Variants in WNT5B observed in about 807,000 individuals in gnomAD.
The protein encoded by WNT5B is protein Wnt-5b.
WNT5B carries 18 observed loss-of-function variants against 36.5 expected under a neutral mutation model. The observed-to-expected ratio is 0.49, with a 90% CI of 0.34 to 0.73. The LOEUF is 0.73. Among genes scored for constraint, WNT5B ranks in the 30% least tolerant of loss-of-function variants. The probability of loss-of-function intolerance (pLI) is 0.01; values close to 1 mark genes in which losing one functional copy is unlikely to be tolerated. For synonymous variants in WNT5B, 213 were observed against 212.3 expected (o/e 1.00, Z -0.03); for missense variants, 424 against 508.4 (o/e 0.83, Z 1.60).
chr12:1,645,873 A>T lies in WNT5B; in HGVS notation c.701A>T (p.Gln234Leu). Residue 234 changes from glutamine to leucine, a missense_variant, in exon 5 of 5, where the codon CAG (glutamine) becomes CTG (leucine). Gln to Leu is a moderately radical substitution (Grantham distance 113). Coordinates refer to ENST00000397196, the MANE Select transcript of WNT5B (RefSeq NM_032642.3). ...TGCAGCCTCAAGACCTGCTGGCTGC[A>T]GCTGGCCGAGTTCCGCAAGGTCGGG... ...GSCSLKTCWL[Q>L]LAEFRKVGDR... The T allele has an allele frequency of 6.2e-7, 1 of 1,611,406 alleles. No individual in the cohort carries two copies. Among genetic ancestry groups the T allele is most frequent in the Non-Finnish European group, 8.5e-7 (1 of 1,179,414 alleles).
rs1184907986 is a variant in WNT5B, at chr12:1,623,193, T to TTTTTTG, written c.-58+6055_-58+6056insGTTTTT. Among the ~76,000 whole-genome samples, 80 of 109,672 alleles carry TTTTTTG rather than the reference T, an allele frequency of 7.3e-4. 2 individuals are homozygous for TTTTTTG. Among genetic ancestry groups the TTTTTTG allele is most frequent in the Non-Finnish European group, 1.1e-3 (58 of 53,200 alleles). 71.9% of individuals were successfully genotyped at this position (109,672 alleles called of 152,430 possible). ...CTTTGAAGGGTTTTTTGTTGTTTTT[T>TTTTTTG]TTTTTTTTTTTTTTTTTTTTGAGAC... On this transcript the variant is annotated intron_variant, in intron 1 of 4. Coordinates refer to the WNT5B transcript ENST00000310594.
At chr12:1,622,832 A>G (rs2094535684) in intron 1 of WNT5B, among the ~76,000 whole-genome samples, 1 of 152,232 alleles carries the variant, frequency 6.6e-6, no homozygotes, top group African/African-American at 2.4e-5. Context: ...ATGTCACATT[A>G]AATGCTGTGG....
Position 1,639,752 on chromosome 12 carries a change from T to TGCCG in WNT5B, c.398_401dup (p.Glu135ProfsTer78). 6.2e-7 allele frequency: 1 copy of TGCCG among 1,605,162 alleles called. No homozygotes were observed. The highest frequency in any genetic ancestry group is 8.5e-7 in the Non-Finnish European group (1 of 1,175,896). On this transcript the variant is annotated frameshift_variant, in exon 4 of 5. Coordinates refer to ENST00000397196, the MANE Select transcript of WNT5B (RefSeq NM_032642.3). LOFTEE classifies it high-confidence loss of function. The stretch of plus-strand genomic sequence containing the variant: ...CGTGGTCAACGCCATCAGCCGGGCC[T>TGCCG]GCCGCGAGGGCGAGCTCTCCACCTG...
chr12:1,642,074 C>T (rs946822065), intron 4 of WNT5B, among the ~76,000 whole-genome samples: 3 of 152,050 alleles, frequency 2.0e-5, no homozygotes, highest in African/African-American at 7.2e-5. Context: ...GGGGTCAGTG[C>T]GTGGTGATGT....
intron 2 of WNT5B, among the ~76,000 whole-genome samples, 165 bp downstream of exon 2, chr12:1,631,599 C>G (rs529765958): frequency 1.0e-3 from 154 of 152,324 alleles, no homozygotes; most frequent in African/African-American, 3.5e-3. Flanking sequence ...TCTCTCTCAA[C>G]CCTTATCTTT....
chr12:1,623,264 C>T (rs534145072), intron 1 of WNT5B, among the ~76,000 whole-genome samples: 2 of 133,846 alleles, frequency 1.5e-5, no homozygotes, highest in South Asian at 2.5e-4. Context: ...GGCACAGTCT[C>T]GGCTCACTAC....
At chr12:1,634,899 T>A (rs1463786862) in intron 3 of WNT5B, among the ~76,000 whole-genome samples, 1 of 152,228 alleles carries the variant, frequency 6.6e-6, no homozygotes, top group Non-Finnish European at 1.5e-5. Flanking sequence ...TGTTCTGCTG[T>A]CTCCTGTAGG....
chr12:1,632,961 A>G lies in WNT5B; in HGVS notation c.328+56A>G. ...AGGAACTGCACTCGTCTCGTTTGGG[A>G]GCAATTAAGCTCTCTCAGGACTGGC... On this transcript the variant is annotated intron_variant, in intron 3 of 4. Transcript: ENST00000397196. The surrounding 1 kb of genome is among the most constrained non-coding windows in gnomAD (Gnocchi z 5.8). The G allele has an allele frequency of 1.3e-6, 2 of 1,551,814 alleles. No individual in the cohort carries two copies. Among genetic ancestry groups the G allele is most frequent in the Non-Finnish European group, 1.7e-6 (2 of 1,145,724 alleles).
At chr12:1,643,906 G>C (rs180718491) in intron 4 of WNT5B, among the ~76,000 whole-genome samples, 49 of 151,928 alleles carry the variant, frequency 3.2e-4, no homozygotes, top group African/African-American at 9.9e-4. Context: ...AAGGATGGAG[G>C]GGGTGTTTAA....
At chr12:1,645,647 G>A (rs1291884481) in intron 4 of WNT5B, 147 bp from the exon 5 acceptor site, 12 of 742,106 alleles carry the variant, frequency 1.6e-5, no homozygotes, top group Non-Finnish European at 2.5e-5. Flanking sequence ...TGAGCATCTT[G>A]GAAAGATCTT....
chr12:1,618,926 A>G lies in WNT5B; in HGVS notation c.-58+1783A>G, dbSNP rs1565601655. On this transcript the variant is annotated intron_variant, in intron 1 of 4. Transcript: ENST00000310594. This position sits in a 1 kb window ranked among gnomAD's most constrained non-coding sequence, Gnocchi z 4.1. The stretch of plus-strand genomic sequence containing the variant: ...CATCAGGCATTAGATTTTAGTGTGA[A>G]GGCCTCAGGAATTGTTTCTGCGCTC... Among the ~76,000 whole-genome samples the G allele has an allele frequency of 1.3e-5, 2 of 152,190 alleles. No individual in the cohort carries two copies. Among genetic ancestry groups the G allele is most frequent in the Non-Finnish European group, 2.9e-5 (2 of 68,022 alleles).
chr12:1,642,462 C>T (rs747508452), intron 4 of WNT5B, among the ~76,000 whole-genome samples: 5 of 152,304 alleles, frequency 3.3e-5, no homozygotes, highest in East Asian at 1.9e-4. Context: ...GGTAGGTTGG[C>T]GGTAGGTTCC....
intron 1 of WNT5B, among the ~76,000 whole-genome samples, 166 bp downstream of exon 1, chr12:1,629,537 C>T (rs1331634664): frequency 1.3e-5 from 2 of 151,696 alleles, no homozygotes; most frequent in Non-Finnish European, 2.9e-5. Context: ...CAGGAGGCTT[C>T]GGGGCCGCGG....
At chr12:1,629,751 T>C (rs2094546547) in intron 1 of WNT5B, 1 of 150,656 alleles carries the variant, frequency 6.6e-6, no homozygotes. Flanking sequence ...TCTCTCGTGG[T>C]TCCAGCCGGT....
At position 1,634,777 on chromosome 12, in the gene WNT5B, G is replaced by A. The variant is rs2270035; in HGVS notation, c.328+1872G>A. ...CTCCTTTGAAGCTGCTGCAAAAGTC[G>A]GTCACCAGAGGGCGGCAGAGCAGCT... On this transcript the variant is annotated intron_variant, in intron 3 of 4. Coordinates refer to ENST00000397196, the MANE Select transcript of WNT5B (RefSeq NM_032642.3). Among the ~76,000 whole-genome samples the A allele has an allele frequency of 5.6e-4, 85 of 152,248 alleles. No homozygotes were observed. In the East Asian group the frequency reaches 0.015, roughly 27 times the overall value.
intron 3 of WNT5B, among the ~76,000 whole-genome samples, chr12:1,639,388 C>T (rs1357490156): frequency 2.6e-5 from 4 of 152,180 alleles, no homozygotes; most frequent in Non-Finnish European, 4.4e-5. Context: ...TCCGCCCGCC[C>T]CGGCCTCCCA....
intron 4 of WNT5B, among the ~76,000 whole-genome samples, chr12:1,640,675 T>A (rs2270037): frequency 1.3e-5 from 2 of 152,080 alleles, no homozygotes; most frequent in African/African-American, 4.8e-5. Flanking sequence ...CGGCAGCTTC[T>A]GGGCCCCTAG....
In WNT5B at chr12:1,630,526, G is replaced by A. The variant is rs1170039476; in HGVS notation, c.-57-772G>A. On this transcript the variant is annotated intron_variant, in intron 1 of 4. Transcript: ENST00000397196. The surrounding 1 kb of genome is among the most constrained non-coding windows in gnomAD (Gnocchi z 5.3). Reference sequence around the variant, plus strand: ...GCATTTGATGCCAGAGCTGCCGCCTGGCGTCGGCAGTGTCCCCGGTGCAGC... The same window carrying A: ...GCATTTGATGCCAGAGCTGCCGCCTAGCGTCGGCAGTGTCCCCGGTGCAGC... Among the ~76,000 whole-genome samples, 5 of 152,210 alleles carry A rather than the reference G, an allele frequency of 3.3e-5. No homozygotes were observed. Among genetic ancestry groups the A allele is most frequent in the Non-Finnish European group, 5.9e-5 (4 of 68,018 alleles).
At chr12:1,634,101 A>G (rs953672291) in intron 3 of WNT5B, among the ~76,000 whole-genome samples, 1 of 152,172 alleles carries the variant, frequency 6.6e-6, no homozygotes, top group African/African-American at 2.4e-5. Flanking sequence ...AAAAGTACAC[A>G]TTGAAACTTG....
Sources: allele counts gnomAD v4.1 joint callset (sites outside exome capture counted in the v4.1 genomes callset), GRCh38; gene constraint gnomAD v4.1.1; non-coding constraint Gnocchi (gnomAD v3.1); transcripts MANE v1.5; gene names NCBI Gene and HGNC (gene_info 2026-07-23, HGNC 2026-07-21).